The following TACC2 variants were observed in gnomAD, a reference collection of about 807,000 sequenced individuals.
The protein encoded by TACC2 is transforming acidic coiled-coil-containing protein 2.
In TACC2, 137 loss-of-function variants were observed where a neutral mutation model predicts 227.3. The ratio of observed to expected loss-of-function variants is 0.60; its 90% CI spans 0.52 to 0.69. The LOEUF is 0.69. Among genes scored for constraint, TACC2 ranks in the 30% least tolerant of loss-of-function variants. TACC2 has a pLI of 0.00. For missense variants in TACC2, 3,470 were observed against 3,694.4 expected (o/e 0.94, Z 1.57); for synonymous variants, 1,523 against 1,487.5 (o/e 1.02, Z -0.55).
intron 5 of TACC2, among the ~76,000 whole-genome samples, chr10:122,090,892 C>A (rs752597828): frequency 6.6e-6 from 1 of 152,140 alleles, no homozygotes; most frequent in South Asian, 2.1e-4. Context: ...CAGGTGTGCA[C>A]CACCATGCTC....
intron 5 of TACC2, among the ~76,000 whole-genome samples, chr10:122,118,715 C>A (rs989324427): frequency 5.9e-5 from 9 of 152,106 alleles, no homozygotes; most frequent in Non-Finnish European, 1.2e-4. Flanking sequence ...TTTTTTTAAA[C>A]ACCAACTAAA....
intron 7 of TACC2, among the ~76,000 whole-genome samples, chr10:122,183,763 G>C (rs1008501524): frequency 6.6e-6 from 1 of 152,150 alleles, no homozygotes; most frequent in East Asian, 1.9e-4. Flanking sequence ...TCCGTGAGTG[G>C]GGAGGGCAGT....
At chr10:122,229,300 T>C in intron 14 of TACC2, 46 bp from the exon 15 acceptor site, 2 of 1,610,110 alleles carry the variant, frequency 1.2e-6, no homozygotes, top group Non-Finnish European at 1.7e-6. Context: ...TCACTCTCTG[T>C]TCTCCTCTAT....
chr10:122,223,070 T>G (rs965700923), intron 11 of TACC2, among the ~76,000 whole-genome samples: 7 of 149,910 alleles, frequency 4.7e-5, no homozygotes, highest in Admixed American at 2.0e-4. Flanking sequence ...TTTTTTTTTT[T>G]TTTGAGGCAG....
intron 7 of TACC2, among the ~76,000 whole-genome samples, chr10:122,158,292 G>A (rs1315213476): frequency 6.6e-6 from 1 of 152,060 alleles, no homozygotes; most frequent in Admixed American, 6.6e-5. Flanking sequence ...GGGAGGCTGA[G>A]GGAGGAGAAT....
At chr10:122,230,201 T>C in intron 15 of TACC2, 150 bp from the exon 16 acceptor site, 1 of 690,774 alleles carries the variant, frequency 1.4e-6, no homozygotes. Context: ...TCTGCTGAGG[T>C]GCTAATTGTG....
At chr10:122,225,322 T>C (rs1370456897) in intron 12 of TACC2, among the ~76,000 whole-genome samples, 1 of 152,246 alleles carries the variant, frequency 6.6e-6, no homozygotes, top group Non-Finnish European at 1.5e-5. Flanking sequence ...GCTTGCTTGC[T>C]TACAGCACTA....
chr10:122,005,103 A>G (rs1255118510), intron 1 of TACC2, among the ~76,000 whole-genome samples: 1 of 151,626 alleles, frequency 6.6e-6, no homozygotes, highest in Non-Finnish European at 1.5e-5. Flanking sequence ...TTTTTTTGAG[A>G]CAGAGTCTCA....
chr10:122,216,331 A>G (rs2095406246), intron 10 of TACC2, among the ~76,000 whole-genome samples: 1 of 151,980 alleles, frequency 6.6e-6, no homozygotes. Flanking sequence ...CAGCAGTCAC[A>G]GTCGTAAAAC....
intron 7 of TACC2, among the ~76,000 whole-genome samples, chr10:122,156,940 ATC>A (rs2092525819): frequency 6.6e-6 from 1 of 151,882 alleles, no homozygotes; most frequent in African/African-American, 2.4e-5. Context: ...GTGAGACCAC[ATC>A]TCTACAAAAA....
Position 122,085,365 on chromosome 10 carries a change from T to A in TACC2, c.2865T>A (p.Asp955Glu). ...GEKRPEGACG[D>E]GQSSRVSPPA... ...AGCGGCCAGAGGGAGCATGCGGTGATGGTCAGTCCTCGAGGGTCTCGCCTC... is the reference window on the plus strand; with the variant it reads ...AGCGGCCAGAGGGAGCATGCGGTGAAGGTCAGTCCTCGAGGGTCTCGCCTC... The change falls in exon 4 of 23, where the codon GAT becomes GAA. Residue 955 changes from aspartate to glutamate, a missense_variant. Asp to Glu is a conservative substitution (Grantham distance 45, BLOSUM62 2). Coordinates refer to ENST00000369005, the MANE Select transcript of TACC2 (RefSeq NM_206862.4). 2 of 1,613,960 alleles carry A rather than the reference T, an allele frequency of 1.2e-6. No homozygotes were observed. Among genetic ancestry groups the A allele is most frequent in the Non-Finnish European group, 8.5e-7 (1 of 1,180,032 alleles).
At chr10:122,039,999 CT>C (rs1254264244) in intron 2 of TACC2, among the ~76,000 whole-genome samples, 2 of 152,142 alleles carry the variant, frequency 1.3e-5, no homozygotes, top group East Asian at 3.9e-4. Context: ...TTGTGGGTGC[CT>C]TTTGCAGCAA....
At chr10:122,214,579 A>G (rs574436499) in intron 9 of TACC2, among the ~76,000 whole-genome samples, 6 of 152,144 alleles carry the variant, frequency 3.9e-5, no homozygotes, top group Non-Finnish European at 7.4e-5. Context: ...AAGAGCCCCC[A>G]TTCTGACTGT....
chr10:122,244,451 C>A (rs2096067870), intron 19 of TACC2, among the ~76,000 whole-genome samples: 1 of 152,164 alleles, frequency 6.6e-6, no homozygotes, highest in South Asian at 2.1e-4. Context: ...ATTCCTTCAG[C>A]CACTGTTGCA....
intron 2 of TACC2, among the ~76,000 whole-genome samples, chr10:122,038,415 A>G (rs1013765538): frequency 6.6e-6 from 1 of 152,230 alleles, no homozygotes; most frequent in Non-Finnish European, 1.5e-5. Context: ...GGCAGAAAGC[A>G]GGGACTTTTA....
At chr10:122,063,418 A>G (rs10788234) in intron 3 of TACC2, among the ~76,000 whole-genome samples, 1 of 152,030 alleles carries the variant, frequency 6.6e-6, no homozygotes, top group Non-Finnish European at 1.5e-5. Flanking sequence ...CAGAAAGGAG[A>G]GTGGGAGGGA....
At chr10:122,217,403 C>T (rs2095428322) in intron 11 of TACC2, among the ~76,000 whole-genome samples, 1 of 149,432 alleles carries the variant, frequency 6.7e-6, no homozygotes, top group Admixed American at 6.6e-5. Context: ...TATGTATATT[C>T]AATTTCAGTG....
chr10:122,224,462 G>T (rs547626968), intron 11 of TACC2, among the ~76,000 whole-genome samples: 4 of 152,280 alleles, frequency 2.6e-5, no homozygotes, highest in African/African-American at 9.6e-5. Flanking sequence ...GCTTGGTCGT[G>T]CCATGGAATT....
At chr10:122,001,838 C>T (rs1954397631) in intron 1 of TACC2, among the ~76,000 whole-genome samples, 1 of 152,146 alleles carries the variant, frequency 6.6e-6, no homozygotes, top group Non-Finnish European at 1.5e-5. Flanking sequence ...ATGTCTTCCA[C>T]TATTATATCT....
Sources: allele counts gnomAD v4.1 joint callset (sites outside exome capture counted in the v4.1 genomes callset), GRCh38; gene constraint gnomAD v4.1.1; transcripts MANE v1.5; gene names NCBI Gene and HGNC (gene_info 2026-07-23, HGNC 2026-07-21).